The following ZC3H12B variants were observed in gnomAD, a reference collection of about 807,000 sequenced individuals.
The protein encoded by ZC3H12B is zinc finger CCCH-type containing 12B.
Under a neutral mutation model 43.9 loss-of-function variants are expected in ZC3H12B, and 7 were observed. The ratio of observed to expected loss-of-function variants is 0.16; its 90% CI spans 0.09 to 0.30. ZC3H12B has a LOEUF of 0.30. Among genes scored for constraint, ZC3H12B ranks in the 10% least tolerant of loss-of-function variants. The pLI is 1.00. For synonymous variants in ZC3H12B, 222 were observed against 241.7 expected (o/e 0.92, Z 0.76); for missense variants, 475 against 670.2 (o/e 0.71, Z 3.22).
the ZC3H12B span, chrX:65,328,561 T>C: frequency 3.2e-5 from 6 of 185,847 alleles, no homozygotes; most frequent in Admixed American, 1.5e-4. Context: ...TATTTGTCTT[T>C]TTTTTTATTA....
the ZC3H12B span, among the ~76,000 whole-genome samples, chrX:65,170,025 C>T: frequency 7.2e-5 from 8 of 111,753 alleles, no homozygotes; most frequent in Admixed American, 1.9e-4. Flanking sequence ...AGCATTTAGC[C>T]GATTTACATG....
At chrX:65,085,602 A>T in the ZC3H12B span, among the ~76,000 whole-genome samples, 1 of 109,349 alleles carries the variant, frequency 9.1e-6, no homozygotes. Context: ...GTAAGACCCC[A>T]TCTCTACAAA....
the ZC3H12B span, among the ~76,000 whole-genome samples, chrX:65,247,256 T>C: frequency 8.9e-6 from 1 of 112,126 alleles, no homozygotes; most frequent in African/African-American, 3.2e-5. Context: ...GGTGAGGTTG[T>C]GGAGAAAGAG....
the ZC3H12B span, among the ~76,000 whole-genome samples, chrX:65,133,119 C>G: frequency 2.7e-5 from 3 of 111,274 alleles, no homozygotes; most frequent in Non-Finnish European, 5.7e-5. Context: ...GCAGGCAGTC[C>G]TGGAGGAATG....
intron 3 of ZC3H12B, among the ~76,000 whole-genome samples, chrX:65,454,966 A>C (rs1053084182): frequency 3.6e-5 from 4 of 112,085 alleles, no homozygotes; most frequent in Admixed American, 1.9e-4. Flanking sequence ...TCCACACCAA[A>C]ACCCCACCTG....
the ZC3H12B span, among the ~76,000 whole-genome samples, chrX:65,161,725 G>A: frequency 1.5e-4 from 17 of 112,031 alleles, no homozygotes; most frequent in Non-Finnish European, 7.5e-5. Context: ...CAATTTGCCA[G>A]TCAGTGTCTT....
chrX:65,116,460 A>G, the ZC3H12B span, among the ~76,000 whole-genome samples: 7 of 111,336 alleles, frequency 6.3e-5, no homozygotes, highest in Non-Finnish European at 9.4e-5. Context: ...GCCTTATAAT[A>G]TAGTTTGAAG....
intron 3 of ZC3H12B, chrX:65,469,683 G>C: frequency 6.7e-6 from 1 of 148,846 alleles, no homozygotes; most frequent in Non-Finnish European, 1.3e-5. Flanking sequence ...TCAAGACCAA[G>C]GGGCAGGCCA....
chrX:65,486,531 A>C (rs767524185), upstream of ZC3H12B, among the ~76,000 whole-genome samples: 2 of 112,430 alleles, frequency 1.8e-5, no homozygotes, highest in African/African-American at 6.4e-5. Context: ...ACACTTACAC[A>C]GGTTTTAGGA....
chrX:65,193,617 T>C, the ZC3H12B span, among the ~76,000 whole-genome samples: 1 of 112,051 alleles, frequency 8.9e-6, no homozygotes. Context: ...TTGATTTTTT[T>C]ATCTTAATTT....
At chrX:65,180,829 A>G in the ZC3H12B span, among the ~76,000 whole-genome samples, 1 of 111,998 alleles carries the variant, frequency 8.9e-6, no homozygotes, top group Non-Finnish European at 1.9e-5. Flanking sequence ...ATAGTAATCA[A>G]AGTAATTTAT....
intron 1 of ZC3H12B, among the ~76,000 whole-genome samples, chrX:65,496,495 G>C (rs1431377157): frequency 3.6e-5 from 4 of 111,701 alleles, no homozygotes; most frequent in Non-Finnish European, 7.5e-5. Flanking sequence ...AGAGAAAATG[G>C]AACTAGTGAT....
At chrX:65,153,301 A>G in the ZC3H12B span, among the ~76,000 whole-genome samples, 3 of 112,156 alleles carry the variant, frequency 2.7e-5, no homozygotes, top group Admixed American at 9.5e-5. Flanking sequence ...CAGGCAACCT[A>G]CAGAATGGGA....
the ZC3H12B span, among the ~76,000 whole-genome samples, chrX:65,250,440 G>T: frequency 1.8e-5 from 2 of 111,453 alleles, no homozygotes; most frequent in Non-Finnish European, 3.8e-5. Context: ...ATAATCCTTT[G>T]GGTATATACT....
chrX:65,380,665 A>G (rs1390249546), intron 2 of ZC3H12B, among the ~76,000 whole-genome samples: 11 of 112,090 alleles, frequency 9.8e-5, no homozygotes, highest in Non-Finnish European at 1.9e-4. Flanking sequence ...AGACTGGCAA[A>G]CTGGATAAAG....
At chrX:65,099,046 G>A in the ZC3H12B span, among the ~76,000 whole-genome samples, 38 of 111,493 alleles carry the variant, frequency 3.4e-4, no homozygotes, top group African/African-American at 1.1e-3. Context: ...CATGGTGGGG[G>A]AGGGGTGTCT....
chrX:65,414,708 G>C, intron 3 of ZC3H12B, among the ~76,000 whole-genome samples: 1 of 111,326 alleles, frequency 9.0e-6, no homozygotes, highest in East Asian at 2.8e-4. Flanking sequence ...TATGTATCCA[G>C]ATTCTCTACC....
At chrX:65,472,378 AGTT>A (rs2067927547) in intron 3 of ZC3H12B, among the ~76,000 whole-genome samples, 1 of 93,664 alleles carries the variant, frequency 1.1e-5, no homozygotes, top group Non-Finnish European at 1.9e-5. Context: ...ACTGTACAGA[AGTT>A]GTTTTTTTTG....
At chrX:65,089,086 C>T in the ZC3H12B span, among the ~76,000 whole-genome samples, 1 of 111,401 alleles carries the variant, frequency 9.0e-6, no homozygotes, top group Admixed American at 9.6e-5. Context: ...GTTATTTCCC[C>T]CTAGAAATGC....
Sources: gnomAD v4.1 joint callset for allele counts (sites outside exome capture counted in the v4.1 genomes callset) on GRCh38, gnomAD v4.1.1 for gene constraint, MANE v1.5 for transcripts, NCBI Gene and HGNC (gene_info 2026-07-23, HGNC 2026-07-21) for gene names.